KRT7: variants seen among roughly 807,000 people sequenced by gnomAD.
KRT7 encodes keratin, type II cytoskeletal 7.
Under a neutral mutation model 42.8 loss-of-function variants are expected in KRT7, and 50 were observed. The observed-to-expected ratio is 1.17, with a 90% CI of 0.93 to 1.48. The LOEUF is 1.48. Among genes scored for constraint, KRT7 ranks in the 40% most tolerant of loss-of-function variants. The pLI is 0.00. For missense variants in KRT7, 588 were observed against 637.6 expected (o/e 0.92, Z 0.84); for synonymous variants, 268 against 266.3 (o/e 1.01, Z -0.06).
intron 1 of KRT7, 56 bp downstream of exon 1, chr12:52,233,676 G>A: frequency 1.9e-6 from 3 of 1,544,920 alleles, no homozygotes; most frequent in Non-Finnish European, 2.7e-6. Flanking sequence ...CACACCAGCC[G>A]CCCTAACTAG....
downstream of KRT7, chr12:52,252,079 A>G (rs1240883568): frequency 6.1e-6 from 5 of 821,914 alleles, 1 homozygote; most frequent in South Asian, 7.2e-5. Context: ...AAGCAAAGAG[A>G]CAGAAATTAG....
downstream of KRT7, chr12:52,252,366 T>G (rs774360341): frequency 5.1e-5 from 83 of 1,614,084 alleles, no homozygotes; most frequent in Middle Eastern, 1.7e-4. Flanking sequence ...GCAGGCCATG[T>G]CCTGCTTGGC....
At chr12:52,248,247 T>C in intron 8 of KRT7, 36 bp downstream of exon 8, 1 of 1,609,576 alleles carries the variant, frequency 6.2e-7, no homozygotes, top group Non-Finnish European at 8.5e-7. Context: ...GAAGCATCCC[T>C]TGTGCTGTTT....
intron 6 of KRT7, 142 bp from the exon 7 acceptor site, chr12:52,245,270 C>A (rs962107731): frequency 2.3e-5 from 18 of 773,604 alleles, no homozygotes; most frequent in Non-Finnish European, 3.6e-5. Context: ...TGTGTTTAAC[C>A]CTTAGGATTC....
chr12:52,248,022 C>G, intron 7 of KRT7, 155 bp from the exon 8 acceptor site: 1 of 717,114 alleles, frequency 1.4e-6, no homozygotes, highest in Non-Finnish European at 2.4e-6. Context: ...TGCATGCCTC[C>G]TCGCTCCTTT....
downstream of KRT7, among the ~76,000 whole-genome samples, chr12:52,249,617 CACAGGTCTG>C (rs1278962837): frequency 2.6e-5 from 4 of 152,116 alleles, no homozygotes; most frequent in East Asian, 7.7e-4. Flanking sequence ...GTCCCCGACA[CACAGGTCTG>C]TGTGTCTGTG....
chr12:52,233,379 C>T lies in KRT7; in HGVS notation c.83C>T (p.Ser28Phe). 6.4e-7 allele frequency: 1 copy of T among 1,570,010 alleles called. No homozygotes were observed. Among genetic ancestry groups the T allele is most frequent in the Non-Finnish European group, 8.6e-7 (1 of 1,164,158 alleles). The change falls in exon 1 of 9, where the codon TCC becomes TTC. Residue 28 changes from serine (S) to phenylalanine (F), a missense_variant. By Grantham distance (155) the Ser-to-Phe change is radical. Transcript: ENST00000331817. ...SGRGAQVRLSSARPGGLGSSS... is the reference protein window; with the variant it reads ...SGRGAQVRLSFARPGGLGSSS... ...CGCGGCGCCCAGGTGCGCCTGAGCT[C>T]CGCTCGCCCCGGCGGCCTTGGCAGC...
At chr12:52,244,154 G>A (rs1469106038) in intron 6 of KRT7, among the ~76,000 whole-genome samples, 1 of 152,232 alleles carries the variant, frequency 6.6e-6, no homozygotes, top group Non-Finnish European at 1.5e-5. Context: ...GGTGGTGGGG[G>A]GATGTGAGGG....
At chr12:52,238,588 G>T in intron 3 of KRT7, 92 bp from the exon 4 acceptor site, 1 of 782,804 alleles carries the variant, frequency 1.3e-6, no homozygotes, top group Non-Finnish European at 2.3e-6. Context: ...TGGCCTGTGG[G>T]TTGGACAGGG....
At chr12:52,244,523 G>A (rs1018735050) in intron 6 of KRT7, 126 of 985,770 alleles carry the variant, frequency 1.3e-4, no homozygotes, top group Non-Finnish European at 1.5e-4. Flanking sequence ...GGGGCAGAGT[G>A]TCAGAGGGCC....
downstream of KRT7, chr12:52,249,056 T>C (rs1942224130): frequency 4.0e-6 from 1 of 248,436 alleles, no homozygotes; most frequent in South Asian, 1.3e-4. Context: ...GGTGCTGCTC[T>C]AAGGAGCAGG....
Position 52,248,684 on chromosome 12 carries a change from G to C in KRT7, c.1334G>C (p.Ser445Thr), listed in dbSNP as rs1565723638. The C allele has an allele frequency of 6.2e-7, 1 of 1,613,416 alleles. No individual in the cohort carries two copies. The highest frequency in any genetic ancestry group is 2.2e-5 in the East Asian group (1 of 44,844). The change falls in exon 9 of 9, where the codon AGC becomes ACC. Residue 445 changes from serine to threonine, a missense_variant. Coordinates refer to ENST00000331817, the MANE Select transcript of KRT7 (RefSeq NM_005556.4). ...TMGSNALSFS[S>T]SAGPGLLKAY... is the part of the protein sequence containing the mutation. ...GGCAGCAATGCCCTGAGCTTCTCCA[G>C]CAGTGCGGGTCCTGGGCTCCTGAAG...
At chr12:52,249,652 C>T (rs1480273538), downstream of KRT7, among the ~76,000 whole-genome samples, 1 of 152,064 alleles carries the variant, frequency 6.6e-6, no homozygotes, top group Non-Finnish European at 1.5e-5. Context: ...GGCAGGTGTT[C>T]TGTGGCAGGG....
At position 52,237,037 on chromosome 12, in the gene KRT7, A is replaced by G. The variant is rs917215757; in HGVS notation, c.537-472A>G. Reference sequence around the variant, plus strand: ...GGCTGGAGTCAGCTGCCAAGGTTCAAGTCTGGGCTGTGCCACTTAGCAGCT... The same window carrying G: ...GGCTGGAGTCAGCTGCCAAGGTTCAGGTCTGGGCTGTGCCACTTAGCAGCT... On this transcript the variant is annotated intron_variant, in intron 2 of 8. Transcript: ENST00000331817. 9.2e-5 allele frequency among the ~76,000 whole-genome samples: 14 copies of G among 152,158 alleles called. No homozygotes were observed. The South Asian group carries it at 1.2e-3, about 14-fold the overall frequency.
downstream of KRT7, chr12:52,254,377 A>G (rs1427882980): frequency 5.4e-6 from 4 of 739,500 alleles, no homozygotes; most frequent in Non-Finnish European, 2.4e-6. Context: ...AAAGGGGAGA[A>G]GGTGGCACAG....
intron 6 of KRT7, among the ~76,000 whole-genome samples, chr12:52,244,105 T>C (rs1942134821): frequency 6.6e-6 from 1 of 151,974 alleles, no homozygotes; most frequent in Non-Finnish European, 1.5e-5. Flanking sequence ...AGGGCACACA[T>C]GTGGAAGCTT....
At chr12:52,240,068 A>G (rs1592391352) in intron 4 of KRT7, among the ~76,000 whole-genome samples, 1 of 152,176 alleles carries the variant, frequency 6.6e-6, no homozygotes, top group Non-Finnish European at 1.5e-5. Flanking sequence ...CATTAATTTC[A>G]GGGGAAGTTT....
chr12:52,249,173 T>G (rs893054090), downstream of KRT7: 1 of 155,970 alleles, frequency 6.4e-6, no homozygotes, highest in African/African-American at 2.4e-5. Flanking sequence ...TGCCAGCAAT[T>G]GGGCCTTGGA....
At chr12:52,250,550 G>T (rs113219724), downstream of KRT7, 2 of 1,203,264 alleles carry the variant, frequency 1.7e-6, no homozygotes, top group South Asian at 2.6e-5. Context: ...CGTTCCCGCT[G>T]CAGGGGGCAC....
Sources: allele counts gnomAD v4.1 joint callset (sites outside exome capture counted in the v4.1 genomes callset), GRCh38; gene constraint gnomAD v4.1.1; transcripts MANE v1.5; gene names NCBI Gene and HGNC (gene_info 2026-07-23, HGNC 2026-07-21).